ZMAT5: variants seen among roughly 807,000 people sequenced by gnomAD.
ZMAT5 encodes zinc finger matrin-type protein 5.
In ZMAT5, 23 loss-of-function variants were observed where a neutral mutation model predicts 28.0. The observed-to-expected ratio is 0.82, with a 90% CI of 0.59 to 1.16. The LOEUF (loss-of-function observed/expected upper bound fraction) is 1.16. Ranked by LOEUF, ZMAT5 falls within the 50% of genes most tolerant of loss-of-function variation. ZMAT5 has a pLI of 0.00. For synonymous variants in ZMAT5, 76 were observed against 84.1 expected (o/e 0.90, Z 0.52); for missense variants, 173 against 212.7 (o/e 0.81, Z 1.16).
chr22:29,732,248 T>C (rs568712164), intron 5 of ZMAT5, among the ~76,000 whole-genome samples: 6 of 152,350 alleles, frequency 3.9e-5, no homozygotes, highest in Admixed American at 2.0e-4. Flanking sequence ...TGAACTCCCA[T>C]CACCCCAGCT....
intron 4 of ZMAT5, among the ~76,000 whole-genome samples, chr22:29,739,687 G>A (rs886868133): frequency 1.4e-4 from 21 of 152,232 alleles, no homozygotes; most frequent in African/African-American, 5.1e-4. Flanking sequence ...CCATGGGCCA[G>A]CCGTCCTCTG....
In ZMAT5 at chr22:29,748,399, C is replaced by T. The variant is rs2068028002; in HGVS notation, c.127+19G>A. 1 of 1,614,078 alleles carries T rather than the reference C, an allele frequency of 6.2e-7. No homozygotes were observed. The highest frequency in any genetic ancestry group is 1.3e-5 in the African/African-American group (1 of 74,940). On this transcript the variant is annotated intron_variant, in intron 2 of 5. Transcript: ENST00000344318. ...AGAGCAGGGCTCCAGGAGCCTGGCCCCCAGCCAGCGGCACCCACCTCGGAA... is the reference window on the plus strand; with the variant it reads ...AGAGCAGGGCTCCAGGAGCCTGGCCTCCAGCCAGCGGCACCCACCTCGGAA...
At chr22:29,756,685 G>C (rs986489067) in intron 1 of ZMAT5, among the ~76,000 whole-genome samples, 1 of 152,108 alleles carries the variant, frequency 6.6e-6, no homozygotes, top group African/African-American at 2.4e-5. Flanking sequence ...AAGGTAGGAG[G>C]ATCACTTGAG....
intron 5 of ZMAT5, among the ~76,000 whole-genome samples, chr22:29,737,025 C>CA (rs1406580047): frequency 0.084 from 6,208 of 73,782 alleles, 621 homozygotes; most frequent in African/African-American, 0.26. Flanking sequence ...GAATCCGTCT[C>CA]AAAAAAAAAA....
rs1481043459 is a variant in ZMAT5 at position 29,731,315 on chromosome 22, C to T, written c.423G>A (p.Val141=). The T allele has an allele frequency of 6.5e-7, 1 of 1,531,932 alleles. No homozygotes were observed. The highest frequency in any genetic ancestry group is 8.7e-7 in the Non-Finnish European group (1 of 1,151,008). The allele number at this position is 1,531,932 out of a possible 1,614,324, so 94.9% of individuals were successfully genotyped here. A position where few individuals can be genotyped will look rare whatever the true frequency, so the allele number is the denominator to read the frequency against. Residue 141 remains valine (V), a synonymous_variant, in exon 6 of 6, where the codon GTG becomes GTA. Coordinates refer to ENST00000344318, the MANE Select transcript of ZMAT5 (RefSeq NM_001003692.2). ...PIRTTVFQYP[V]GWPPVQELPP... ...GCAGCTCCTGAACTGGTGGCCAGCC[C>T]ACGGGGTACTGGAAGACAGTGGTTC...
rs184133307 is a variant in ZMAT5, at chr22:29,761,450, C to T, written c.-28+5422G>A. 1.2e-3 allele frequency among the ~76,000 whole-genome samples: 181 copies of T among 151,232 alleles called. 1 individual carries two copies. The highest frequency in any genetic ancestry group is 3.1e-3 in the Admixed American group (47 of 15,158). ...AAAAAATTAGCCAGACATGGTGGTG[C>T]GGGCTCGGGCCTGTGGTCCCAGCTA... is the stretch of plus-strand genomic sequence containing the variant. On this transcript the variant is annotated intron_variant, in intron 1 of 5. Transcript: ENST00000344318.
At chr22:29,759,420 C>A (rs1287918306) in intron 1 of ZMAT5, among the ~76,000 whole-genome samples, 1 of 152,102 alleles carries the variant, frequency 6.6e-6, no homozygotes, top group Non-Finnish European at 1.5e-5. Flanking sequence ...GATCAACTCT[C>A]CTTAAATCAT....
chr22:29,734,816 G>T (rs1211386316), intron 5 of ZMAT5, among the ~76,000 whole-genome samples: 1 of 133,700 alleles, frequency 7.5e-6, no homozygotes, highest in East Asian at 2.3e-4. Flanking sequence ...GAGGCATCAG[G>T]GAGGGTCCCC....
At chr22:29,736,791 G>A (rs754642382) in intron 5 of ZMAT5, among the ~76,000 whole-genome samples, 8 of 150,884 alleles carry the variant, frequency 5.3e-5, no homozygotes, top group Non-Finnish European at 1.2e-4. Flanking sequence ...TTGGGAGGCT[G>A]AGGCGGGTGG....
At chr22:29,743,339 A>C (rs1340387225) in intron 2 of ZMAT5, among the ~76,000 whole-genome samples, 1 of 152,140 alleles carries the variant, frequency 6.6e-6, no homozygotes, top group African/African-American at 2.4e-5. Flanking sequence ...CAGACCAGCC[A>C]CCGCCGCGGA....
intron 1 of ZMAT5, among the ~76,000 whole-genome samples, chr22:29,761,128 C>T (rs1186077006): frequency 6.6e-6 from 1 of 151,756 alleles, no homozygotes; most frequent in East Asian, 1.9e-4. Context: ...TAAAAATTAG[C>T]TGGGCGTGGT....
At chr22:29,733,144 C>T (rs891933258) in intron 5 of ZMAT5, among the ~76,000 whole-genome samples, 1 of 152,200 alleles carries the variant, frequency 6.6e-6, no homozygotes, top group Non-Finnish European at 1.5e-5. Flanking sequence ...AATACCAGCC[C>T]CACATCGGCT....
chr22:29,748,422 G>T lies in ZMAT5; in HGVS notation c.123C>A (p.Phe41Leu), dbSNP rs2068028245. The part of the protein sequence containing the change: ...LKAKKVWYDM[F>L]RDAAAILLDE... ...CCCCCAGCCAGCGGCACCCACCTCG[G>T]AACATGTCGTACCAGACCTTCTTGG... Residue 41 changes from phenylalanine to leucine, a missense_variant, in exon 2 of 6, where the codon TTC (phenylalanine) becomes TTA (leucine). Transcript: ENST00000344318. 6.2e-7 allele frequency: 1 copy of T among 1,614,098 alleles called. No individual in the cohort carries two copies. The highest frequency in any genetic ancestry group is 1.7e-5 in the Admixed American group (1 of 60,010).
At chr22:29,745,962 G>C (rs1489281325) in intron 2 of ZMAT5, among the ~76,000 whole-genome samples, 1 of 152,130 alleles carries the variant, frequency 6.6e-6, no homozygotes, top group African/African-American at 2.4e-5. Flanking sequence ...CACTGCCCTG[G>C]ATTTTATTTC....
chr22:29,760,669 T>A lies in ZMAT5; in HGVS notation c.-28+6203A>T, dbSNP rs530531082. On this transcript the variant is annotated intron_variant, in intron 1 of 5. Transcript: ENST00000344318. ...CTTAAGAAGCAAAAGCCTGGAGGAA[T>A]GAACTTTCCCTTGAGTTCCAAATGC... 6.6e-5 allele frequency among the ~76,000 whole-genome samples: 10 copies of A among 152,320 alleles called. No homozygotes were observed. In the South Asian group the frequency reaches 1.9e-3, roughly 28 times the overall value.
intron 2 of ZMAT5, chr22:29,746,049 T>G (rs1394935035): frequency 1.3e-5 from 2 of 152,238 alleles, no homozygotes; most frequent in East Asian, 3.8e-4. Context: ...CTCGGCTCAC[T>G]GCAGCCTCCA....
intron 5 of ZMAT5, among the ~76,000 whole-genome samples, chr22:29,737,739 G>A (rs1438921586): frequency 6.6e-6 from 1 of 151,844 alleles, no homozygotes; most frequent in African/African-American, 2.4e-5. Context: ...AATATCACCC[G>A]AGGCCCTTCC....
intron 1 of ZMAT5, among the ~76,000 whole-genome samples, chr22:29,763,826 C>T (rs2068182692): frequency 6.6e-6 from 1 of 152,024 alleles, no homozygotes. Flanking sequence ...GTGGCATGCA[C>T]CTGTAGTCCC....
chr22:29,751,335 A>G (rs1174614770), intron 1 of ZMAT5, among the ~76,000 whole-genome samples: 1 of 152,224 alleles, frequency 6.6e-6, no homozygotes, highest in African/African-American at 2.4e-5. Context: ...CTGTGGGAAT[A>G]TGAGGCAATG....
Sources: allele counts gnomAD v4.1 joint callset (sites outside exome capture counted in the v4.1 genomes callset), GRCh38; gene constraint gnomAD v4.1.1; transcripts MANE v1.5; gene names NCBI Gene and HGNC (gene_info 2026-07-23, HGNC 2026-07-21).